Variants in INPP4B observed in about 807,000 individuals in gnomAD.
The protein encoded by INPP4B is inositol polyphosphate 4-phosphatase type II.
Under a neutral mutation model 122.5 loss-of-function variants are expected in INPP4B, and 55 were observed. The observed-to-expected ratio is 0.45, with a 90% CI of 0.36 to 0.56. The LOEUF is 0.56. Ranked by LOEUF, INPP4B falls within the 20% of genes least tolerant of loss-of-function variation. The probability of loss-of-function intolerance (pLI) is 0.00; values close to 1 mark genes in which losing one functional copy is unlikely to be tolerated. For missense variants in INPP4B, 1,000 were observed against 1,097.7 expected (o/e 0.91, Z 1.26); for synonymous variants, 403 against 388.7 (o/e 1.04, Z -0.43).
chr4:142,123,235 A>T, intron 20 of INPP4B, 57 bp downstream of exon 20: 1 of 1,402,080 alleles, frequency 7.1e-7, no homozygotes, highest in Non-Finnish European at 9.6e-7. Context: ...AAATTTCTGG[A>T]TTAAATGTCC....
chr4:142,563,377 C>A (rs1162864164), intron 2 of INPP4B, among the ~76,000 whole-genome samples: 2 of 152,022 alleles, frequency 1.3e-5, no homozygotes, highest in African/African-American at 4.8e-5. Flanking sequence ...GCAAAGGGTT[C>A]TCCAGAATAG....
chr4:142,198,312 T>G, intron 14 of INPP4B, among the ~76,000 whole-genome samples: 1 of 152,046 alleles, frequency 6.6e-6, no homozygotes, highest in East Asian at 1.9e-4. Flanking sequence ...TAATTCTTAT[T>G]TATCAAACAT....
At chr4:142,813,991 T>G (rs2151131600) in intron 1 of INPP4B, among the ~76,000 whole-genome samples, 1 of 152,178 alleles carries the variant, frequency 6.6e-6, no homozygotes, top group East Asian at 1.9e-4. Flanking sequence ...GAAGAAAAAG[T>G]TATAGAAAAG....
At chr4:142,229,805 C>T (rs1370816035) in intron 12 of INPP4B, among the ~76,000 whole-genome samples, 3 of 152,150 alleles carry the variant, frequency 2.0e-5, no homozygotes, top group Non-Finnish European at 4.4e-5. Flanking sequence ...GCTATGAAGA[C>T]ATAGTAAGCT....
chr4:142,205,322 C>T (rs985905309), intron 14 of INPP4B, among the ~76,000 whole-genome samples: 3 of 152,082 alleles, frequency 2.0e-5, no homozygotes, highest in Non-Finnish European at 4.4e-5. Context: ...GGTTTGATGA[C>T]ACTGTCATCT....
intron 7 of INPP4B, among the ~76,000 whole-genome samples, chr4:142,355,981 C>T (rs1398216535): frequency 6.6e-6 from 1 of 151,414 alleles, no homozygotes; most frequent in Non-Finnish European, 1.5e-5. Context: ...ATGCCACATA[C>T]TCCAATAGAT....
At chr4:142,508,465 G>C (rs1003225240) in intron 2 of INPP4B, among the ~76,000 whole-genome samples, 10 of 152,068 alleles carry the variant, frequency 6.6e-5, no homozygotes, top group African/African-American at 2.4e-4. Context: ...AGTACAGATG[G>C]GTTTTCACCA....
At chr4:142,099,411 G>A (rs1783511511) in intron 23 of INPP4B, among the ~76,000 whole-genome samples, 1 of 151,982 alleles carries the variant, frequency 6.6e-6, no homozygotes. Context: ...AAAATATTTG[G>A]ATAACTGACT....
chr4:142,554,362 T>C (rs1300961579), intron 2 of INPP4B, among the ~76,000 whole-genome samples: 1 of 25,630 alleles, frequency 3.9e-5, no homozygotes, highest in Non-Finnish European at 8.6e-5. Context: ...TCACTTGCAA[T>C]AGTAAAAAAA....
At chr4:142,287,998 G>A (rs1754611031) in intron 9 of INPP4B, among the ~76,000 whole-genome samples, 1 of 152,106 alleles carries the variant, frequency 6.6e-6, no homozygotes, top group Non-Finnish European at 1.5e-5. Flanking sequence ...TAAGCTCTCA[G>A]GTATCCCTTC....
intron 2 of INPP4B, among the ~76,000 whole-genome samples, chr4:142,712,169 G>A (rs776463112): frequency 5.3e-5 from 8 of 152,130 alleles, no homozygotes; most frequent in Non-Finnish European, 1.2e-4. Flanking sequence ...AAATCTGCTG[G>A]TGCCTTGATC....
At chr4:142,379,023 T>A (rs535222530) in intron 7 of INPP4B, among the ~76,000 whole-genome samples, 2 of 152,086 alleles carry the variant, frequency 1.3e-5, no homozygotes, top group African/African-American at 2.4e-5. Flanking sequence ...TTAAATCCTA[T>A]CCAATTAATA....
intron 7 of INPP4B, among the ~76,000 whole-genome samples, chr4:142,374,828 C>T (rs1354817872): frequency 6.6e-6 from 1 of 151,710 alleles, no homozygotes; most frequent in South Asian, 2.1e-4. Context: ...TATTATTTCT[C>T]ATTTGGTAAA....
intron 18 of INPP4B, among the ~76,000 whole-genome samples, chr4:142,143,666 G>A (rs1809047372): frequency 6.6e-6 from 1 of 151,976 alleles, no homozygotes; most frequent in African/African-American, 2.4e-5. Context: ...GAGAGAGGGG[G>A]CAACTCTTCC....
At chr4:142,453,271 A>C (rs1053141961) in intron 3 of INPP4B, among the ~76,000 whole-genome samples, 7 of 152,174 alleles carry the variant, frequency 4.6e-5, no homozygotes, top group Non-Finnish European at 1.0e-4. Flanking sequence ...AGATGAGTTA[A>C]ATACATGTGC....
At chr4:142,063,736 C>A (rs4956433) in intron 25 of INPP4B, among the ~76,000 whole-genome samples, 9,150 of 152,222 alleles carry the variant, frequency 0.06, 294 homozygotes, top group Middle Eastern at 0.092. Flanking sequence ...ATCTTCCTTT[C>A]ATCTTAGCAC....
intron 7 of INPP4B, among the ~76,000 whole-genome samples, chr4:142,341,104 T>C (rs11726659): frequency 0.22 from 33,672 of 152,104 alleles, 4,658 homozygotes; most frequent in East Asian, 0.46. Context: ...ATAGTGAATA[T>C]AAAAATATGC....
intron 23 of INPP4B, among the ~76,000 whole-genome samples, chr4:142,088,973 G>A (rs942617802): frequency 8.5e-5 from 13 of 152,170 alleles, no homozygotes; most frequent in Admixed American, 1.3e-4. Flanking sequence ...GAATTGGTGG[G>A]TGTTGGAGGG....
intron 2 of INPP4B, among the ~76,000 whole-genome samples, chr4:142,722,630 CT>C (rs1231424750): frequency 1.3e-5 from 2 of 152,118 alleles, no homozygotes; most frequent in Non-Finnish European, 2.9e-5. Flanking sequence ...GTAAATTTTT[CT>C]TTAATAATTA....
Sources: allele counts gnomAD v4.1 joint callset (sites outside exome capture counted in the v4.1 genomes callset), GRCh38; gene constraint gnomAD v4.1.1; transcripts MANE v1.5; gene names NCBI Gene and HGNC (gene_info 2026-07-23, HGNC 2026-07-21).